The following ST3GAL5 variants were observed in gnomAD, a reference collection of about 807,000 sequenced individuals.
The protein encoded by ST3GAL5 is ST3 beta-galactoside alpha-2,3-sialyltransferase 5, also known as lactosylceramide alpha-2,3-sialyltransferase.
Under a neutral mutation model 46.1 loss-of-function variants are expected in ST3GAL5, and 25 were observed. That is an observed-to-expected ratio of 0.54 (90% CI 0.40 to 0.76). The LOEUF (loss-of-function observed/expected upper bound fraction) is 0.76, where lower values mean the gene tolerates loss of function less well. Ranked by LOEUF, ST3GAL5 falls within the 30% of genes least tolerant of loss-of-function variation. The pLI is 0.00. For synonymous variants in ST3GAL5, 182 were observed against 192.7 expected (o/e 0.94, Z 0.46); for missense variants, 431 against 521.2 (o/e 0.83, Z 1.69).
chr2:85,853,254 C>T lies in ST3GAL5; in HGVS notation c.319-5050G>A, dbSNP rs1683738556. The T allele has an allele frequency of 1.9e-5, 7 of 371,112 alleles. No individual in the cohort carries two copies. In the Admixed American group the frequency reaches 2.6e-4, roughly 14 times the overall value. 23.0% of individuals were successfully genotyped at this position (371,112 alleles called of 1,614,324 possible). A position where few individuals can be genotyped will look rare whatever the true frequency, so the allele number is the denominator to read the frequency against. ...AAAGTGTCCAGGCATCCCTTCAGAG[C>T]CCACTGGTAGTCTTTTTAACAACTG... is the stretch of plus-strand genomic sequence containing the variant. On this transcript the variant is annotated intron_variant, in intron 3 of 6. Coordinates refer to ENST00000638572, the MANE Select transcript of ST3GAL5 (RefSeq NM_003896.4).
At chr2:85,878,552 T>C (rs911105603) in intron 1 of ST3GAL5, among the ~76,000 whole-genome samples, 13 of 103,860 alleles carry the variant, frequency 1.3e-4, no homozygotes, top group Non-Finnish European at 2.2e-4. Context: ...CCTGACAGTA[T>C]TGGGACAAAA....
chr2:85,847,779 G>C (rs1357351951), intron 4 of ST3GAL5, 82 bp downstream of exon 4: 1 of 1,518,082 alleles, frequency 6.6e-7, no homozygotes, highest in Non-Finnish European at 8.8e-7. Context: ...TGGACAACAG[G>C]AGTGAGACCC....
Position 85,839,609 on chromosome 2 carries a change from G to C in ST3GAL5, c.*535C>G, listed in dbSNP as rs1339009010. 5.8e-6 allele frequency: 1 copy of C among 172,666 alleles called. No individual in the cohort carries two copies. Among genetic ancestry groups the C allele is most frequent in the African/African-American group, 2.4e-5 (1 of 41,672 alleles). The allele number at this position is 172,666 out of a possible 1,614,324, so 10.7% of individuals were successfully genotyped here. A position where few individuals can be genotyped will look rare whatever the true frequency, so the allele number is the denominator to read the frequency against. On this transcript the variant is annotated 3_prime_UTR_variant, in exon 7 of 7. Coordinates refer to ENST00000638572, the MANE Select transcript of ST3GAL5 (RefSeq NM_003896.4). ...CAGCAGAAGGCAGACCAACAGAGAAGGGTTGTGACCTTCTCCAACCAGCCC... is the reference window on the plus strand; with the variant it reads ...CAGCAGAAGGCAGACCAACAGAGAACGGTTGTGACCTTCTCCAACCAGCCC...
intron 5 of ST3GAL5, 47 bp downstream of exon 5, chr2:85,846,330 C>G: frequency 6.4e-7 from 1 of 1,556,504 alleles, no homozygotes; most frequent in Non-Finnish European, 8.8e-7. Flanking sequence ...AAGTAAGACT[C>G]CTTCACTTTT....
At chr2:85,887,077 T>C (rs1246082846) in intron 1 of ST3GAL5, among the ~76,000 whole-genome samples, 1 of 152,130 alleles carries the variant, frequency 6.6e-6, no homozygotes, top group Admixed American at 6.5e-5. Context: ...GGACCTGGAA[T>C]GGACTCCCAC....
At chr2:85,849,973 G>A (rs1251173804) in intron 3 of ST3GAL5, 1 of 151,626 alleles carries the variant, frequency 6.6e-6, no homozygotes, top group Non-Finnish European at 1.5e-5. Flanking sequence ...TTATTACTGG[G>A]GTATAGGTTT....
chr2:85,854,708 T>C (rs1683906121), intron 3 of ST3GAL5: 1 of 152,152 alleles, frequency 6.6e-6, no homozygotes, highest in African/African-American at 2.4e-5. Flanking sequence ...CCCCCTGAAG[T>C]TGAATATATG....
intron 2 of ST3GAL5, 123 bp from the exon 3 acceptor site, chr2:85,861,415 A>G: frequency 1.4e-6 from 1 of 716,256 alleles, no homozygotes; most frequent in South Asian, 1.5e-5. Flanking sequence ...ACAATCTTTA[A>G]GTTGACATTG....
At chr2:85,847,556 C>T in intron 4 of ST3GAL5, 4 of 1,152,142 alleles carry the variant, frequency 3.5e-6, no homozygotes, top group Non-Finnish European at 4.3e-6. Flanking sequence ...GAGCAGTGCA[C>T]TGAGTTCTAG....
chr2:85,879,145 G>T (rs778561217), intron 1 of ST3GAL5, among the ~76,000 whole-genome samples: 1 of 152,110 alleles, frequency 6.6e-6, no homozygotes, highest in African/African-American at 2.4e-5. Flanking sequence ...CCAAGGGACA[G>T]GGTAATCAAA....
intron 3 of ST3GAL5, among the ~76,000 whole-genome samples, chr2:85,859,892 T>C (rs1684538600): frequency 6.6e-6 from 1 of 152,158 alleles, no homozygotes; most frequent in Non-Finnish European, 1.5e-5. Context: ...TTGAATTGGG[T>C]AAAACATTTA....
At chr2:85,858,831 C>T (rs1212601081) in intron 3 of ST3GAL5, among the ~76,000 whole-genome samples, 1 of 152,244 alleles carries the variant, frequency 6.6e-6, no homozygotes, top group African/African-American at 2.4e-5. Flanking sequence ...CAGGTCTTCT[C>T]TCCTTAAGGC....
chr2:85,864,830 T>C (rs1397739226), intron 1 of ST3GAL5, among the ~76,000 whole-genome samples: 5 of 152,176 alleles, frequency 3.3e-5, no homozygotes, highest in Non-Finnish European at 7.3e-5. Flanking sequence ...AAGACTACAT[T>C]TCCCAGTCTC....
chr2:85,888,748 G>T, intron 1 of ST3GAL5, 76 bp downstream of exon 1: 2 of 1,094,452 alleles, frequency 1.8e-6, no homozygotes, highest in South Asian at 4.5e-5. Flanking sequence ...CAGCCGGCCC[G>T]GGAAGAGACA....
At chr2:85,868,360 G>A (rs1332996046) in intron 1 of ST3GAL5, among the ~76,000 whole-genome samples, 1 of 152,188 alleles carries the variant, frequency 6.6e-6, no homozygotes, top group East Asian at 1.9e-4. Context: ...GGAGTACAGT[G>A]GTGTGATCAC....
intron 1 of ST3GAL5, among the ~76,000 whole-genome samples, chr2:85,885,837 G>GA (rs911883826): frequency 3.5e-4 from 50 of 143,816 alleles, no homozygotes; most frequent in African/African-American, 3.8e-4. Flanking sequence ...AAAAAAAAAA[G>GA]AAAAAAAAAA....
intron 5 of ST3GAL5, 83 bp downstream of exon 5, chr2:85,846,294 A>T: frequency 7.6e-7 from 1 of 1,315,332 alleles, no homozygotes; most frequent in South Asian, 1.2e-5. Flanking sequence ...CTGCGTGTTT[A>T]AAAATAAAAG....
chr2:85,881,237 A>C (rs1687114321), intron 1 of ST3GAL5, among the ~76,000 whole-genome samples: 1 of 152,068 alleles, frequency 6.6e-6, no homozygotes, highest in Admixed American at 6.6e-5. Context: ...ATCCAATTAA[A>C]CCTCTTTCTT....
intron 4 of ST3GAL5, among the ~76,000 whole-genome samples, chr2:85,847,196 G>A (rs758929636): frequency 2.0e-5 from 3 of 152,082 alleles, no homozygotes; most frequent in Non-Finnish European, 2.9e-5. Context: ...CCATGTCCCA[G>A]CCAGCACTGC....
Sources: allele counts gnomAD v4.1 joint callset (sites outside exome capture counted in the v4.1 genomes callset), GRCh38; gene constraint gnomAD v4.1.1; transcripts MANE v1.5; gene names NCBI Gene and HGNC (gene_info 2026-07-23, HGNC 2026-07-21).